The following INTS8 variants were observed in gnomAD, a reference collection of about 807,000 sequenced individuals.
The protein encoded by INTS8 is integrator complex subunit 8.
In INTS8, 47 loss-of-function variants were observed where a neutral mutation model predicts 138.9. That is an observed-to-expected ratio of 0.34 (90% CI 0.27 to 0.43). The LOEUF is 0.43. Among genes scored for constraint, INTS8 ranks in the 20% least tolerant of loss-of-function variants. The probability of loss-of-function intolerance (pLI) is 1.00; values close to 1 mark genes in which losing one functional copy is unlikely to be tolerated. For synonymous variants in INTS8, 392 were observed against 400.9 expected, an observed-to-expected ratio of 0.98 and a Z score of 0.27; for missense variants, 996 against 1,173.0, an observed-to-expected ratio of 0.85 and a Z score of 2.20.
chr8:94,827,761 A>G lies in INTS8; in HGVS notation c.486A>G (p.Lys162=). The G allele has an allele frequency of 6.2e-7, 1 of 1,614,176 alleles. No homozygotes were observed. The highest frequency in any genetic ancestry group is 8.5e-7 in the Non-Finnish European group (1 of 1,179,998). Residue 162 remains lysine, a synonymous_variant, in exon 4 of 27, where the codon AAA becomes AAG. Transcript: ENST00000523731. ...TTGTTCAAAGTAGTTTTCCAGTCAA[A>G]CAGGCAAAACCCGGACCCCCTCAGT... is the stretch of plus-strand genomic sequence containing the variant. ...RTIVQSSFPV[K]QAKPGPPQLS...
At chr8:94,857,624 C>T (rs756873282) in intron 15 of INTS8, among the ~76,000 whole-genome samples, 3 of 152,160 alleles carry the variant, frequency 2.0e-5, no homozygotes, top group Non-Finnish European at 2.9e-5. Flanking sequence ...TCTTTCCTTG[C>T]GTCTTCCTAG....
intron 10 of INTS8, among the ~76,000 whole-genome samples, chr8:94,847,703 T>C (rs989093075): frequency 3.3e-5 from 5 of 152,196 alleles, no homozygotes; most frequent in Non-Finnish European, 7.4e-5. Flanking sequence ...AGTTTTTCTT[T>C]TTTTAAATTG....
chr8:94,838,530 A>T lies in INTS8; in HGVS notation c.929A>T (p.Asp310Val). The change falls in exon 8 of 27, where the codon GAT (aspartate) becomes GTT (valine). Residue 310 changes from aspartate to valine, a missense_variant. Transcript: ENST00000523731. ...TTAGCTGGCTATTGTCAAGCATGTGATGTTCTTGTACCTTCTTCTGATAGT... is the reference window on the plus strand; with the variant it reads ...TTAGCTGGCTATTGTCAAGCATGTGTTGTTCTTGTACCTTCTTCTGATAGT... ...KRLAGYCQAC[D>V]VLVPSSDSTS... 1 of 1,612,874 alleles carries T rather than the reference A, an allele frequency of 6.2e-7. No individual in the cohort carries two copies. The highest frequency in any genetic ancestry group is 8.5e-7 in the Non-Finnish European group (1 of 1,178,958).
rs1815130726 is a variant in INTS8 at position 94,841,487 on chromosome 8, C to T, written c.1018-4C>T. 1 of 1,523,136 alleles carries T rather than the reference C, an allele frequency of 6.6e-7. No individual in the cohort carries two copies. The highest frequency in any genetic ancestry group is 1.8e-5 in the Admixed American group (1 of 55,768). 94.4% of individuals were successfully genotyped at this position (1,523,136 alleles called of 1,614,324 possible). A position where few individuals can be genotyped will look rare whatever the true frequency, so the allele number is the denominator to read the frequency against. Reference sequence around the variant, plus strand: ...ATGGGTGCAACTTTATGTGTGTGTTCTAGGAGGTAATACAGATTTTCATTG... The same window carrying T: ...ATGGGTGCAACTTTATGTGTGTGTTTTAGGAGGTAATACAGATTTTCATTG... On this transcript the variant is annotated splice_region_variant and splice_polypyrimidine_tract_variant and intron_variant, in intron 8 of 26. Coordinates refer to ENST00000523731, the MANE Select transcript of INTS8 (RefSeq NM_017864.4).
At chr8:94,875,716 C>G (rs1221306959) in intron 23 of INTS8, among the ~76,000 whole-genome samples, 1 of 152,054 alleles carries the variant, frequency 6.6e-6, no homozygotes, top group East Asian at 1.9e-4. Context: ...CTAAATTTTC[C>G]AAAATGAGCG....
intron 1 of INTS8, among the ~76,000 whole-genome samples, 187 bp from the exon 2 acceptor site, chr8:94,824,706 T>C (rs888202252): frequency 6.6e-6 from 1 of 150,532 alleles, no homozygotes; most frequent in Non-Finnish European, 1.5e-5. Context: ...CCAGGCACAC[T>C]TCTTACATAC....
At position 94,865,591 on chromosome 8, in the gene INTS8, T is replaced by C; in HGVS notation, c.2162T>C (p.Val721Ala). ...ACTGCCAAAGACCTTTGGGAAGTTG[T>C]TGTTCAAATCTGTAGTGTGTCCAGT... ...RRTAKDLWEV[V>A]VQICSVSSQH... is the part of the protein sequence containing the mutation. The change falls in exon 17 of 27, where the codon GTT becomes GCT. Residue 721 changes from valine to alanine, a missense_variant. By Grantham distance (64) the Val-to-Ala change is moderately conservative. Coordinates refer to ENST00000523731, the MANE Select transcript of INTS8 (RefSeq NM_017864.4). 2 of 1,614,168 alleles carry C rather than the reference T, an allele frequency of 1.2e-6. No homozygotes were observed. The highest frequency in any genetic ancestry group is 1.7e-6 in the Non-Finnish European group (2 of 1,179,980).
At chr8:94,849,398 T>C in intron 10 of INTS8, 64 bp from the exon 11 acceptor site, 2 of 869,192 alleles carry the variant, frequency 2.3e-6, no homozygotes, top group South Asian at 3.1e-5. Context: ...ATCCAGCCTT[T>C]TCAAATTATA....
chr8:94,853,679 T>C (rs1282451886), intron 13 of INTS8, 126 bp from the exon 14 acceptor site: 7 of 557,584 alleles, frequency 1.3e-5, no homozygotes, highest in Non-Finnish European at 1.9e-5. Flanking sequence ...GTCATTTTCC[T>C]TTCTCTTTAA....
chr8:94,859,734 A>C, intron 16 of INTS8, 102 bp downstream of exon 16: 1 of 894,186 alleles, frequency 1.1e-6, no homozygotes. Flanking sequence ...TGTGATACAA[A>C]TGATTGGACA....
rs866000554 is a variant in INTS8 at position 94,865,569 on chromosome 8, G to T, written c.2140G>T (p.Ala714Ser). 6.2e-7 allele frequency: 1 copy of T among 1,614,136 alleles called. No individual in the cohort carries two copies. Among genetic ancestry groups the T allele is most frequent in the Non-Finnish European group, 8.5e-7 (1 of 1,179,964 alleles). Residue 714 changes from alanine (A) to serine (S), a missense_variant, in exon 17 of 27, where the codon GCC (alanine) becomes TCC (serine). By Grantham distance (99) the Ala-to-Ser change is moderately conservative. Transcript: ENST00000523731. The part of the protein sequence containing the change: ...LPGPKESRRT[A>S]KDLWEVVVQI... The stretch of plus-strand genomic sequence containing the variant: ...AGGCCCTAAAGAAAGTAGACGGACT[G>T]CCAAAGACCTTTGGGAAGTTGTTGT...
chr8:94,838,319 G>A, intron 7 of INTS8, 144 bp from the exon 8 acceptor site: 1 of 548,588 alleles, frequency 1.8e-6, no homozygotes, highest in Non-Finnish European at 3.1e-6. Context: ...CAAAGTGCTG[G>A]GATTACAGGC....
Position 94,849,507 on chromosome 8 carries a change from A to G in INTS8, c.1306A>G (p.Lys436Glu). The change falls in exon 11 of 27, where the codon AAA becomes GAA. Residue 436 changes from lysine (K) to glutamate (E), a missense_variant. Physicochemically the swap from Lys to Glu is moderately conservative, Grantham distance 56 (BLOSUM62 1). Transcript: ENST00000523731. The stretch of plus-strand genomic sequence containing the variant: ...TTTAGAAAAAGCTTCAGAGTCTTTG[A>G]AAGGAAACATGGCTGCTTTTCTAAA... ...VNLEKASESL[K>E]GNMAAFLKNV... The G allele has an allele frequency of 6.4e-7, 1 of 1,570,422 alleles. No homozygotes were observed. Among genetic ancestry groups the G allele is most frequent in the Non-Finnish European group, 8.7e-7 (1 of 1,153,482 alleles).
intron 14 of INTS8, among the ~76,000 whole-genome samples, chr8:94,855,301 G>A (rs557627665): frequency 6.6e-6 from 1 of 152,298 alleles, no homozygotes; most frequent in South Asian, 2.1e-4. Context: ...ATTTCAATGT[G>A]TAATCGATAT....
Position 94,876,482 on chromosome 8 carries a change from A to G in INTS8, c.2864A>G (p.Gln955Arg). Residue 955 changes from glutamine (Q) to arginine (R), a missense_variant, in exon 26 of 27, where the codon CAA becomes CGA. Physicochemically the swap from Gln to Arg is conservative, Grantham distance 43 (BLOSUM62 1). Transcript: ENST00000523731. ...HHKRGETDKR[Q>R]IAIKAIGQTE... is the part of the protein sequence containing the mutation. Reference sequence around the variant, plus strand: ...AAAAGAGGAGAAACAGATAAAAGACAAATTGCAGTAAGTTACCTTATGCCT... The same window carrying G: ...AAAAGAGGAGAAACAGATAAAAGACGAATTGCAGTAAGTTACCTTATGCCT... The G allele has an allele frequency of 6.4e-7, 1 of 1,551,094 alleles. No individual in the cohort carries two copies. The highest frequency in any genetic ancestry group is 8.8e-7 in the Non-Finnish European group (1 of 1,130,214).
intron 15 of INTS8, among the ~76,000 whole-genome samples, chr8:94,858,789 A>C (rs1815846745): frequency 6.6e-6 from 1 of 152,302 alleles, no homozygotes; most frequent in South Asian, 2.1e-4. Context: ...AATGGGTGAA[A>C]GTTCCTTTAA....
At chr8:94,865,859 T>C (rs763836439) in intron 17 of INTS8, among the ~76,000 whole-genome samples, 169 bp downstream of exon 17, 29 of 152,226 alleles carry the variant, frequency 1.9e-4, no homozygotes, top group Non-Finnish European at 4.0e-4. Flanking sequence ...TGAACCTGTC[T>C]GCCTTGGCCA....
chr8:94,831,900 G>A lies in INTS8; in HGVS notation c.571-92G>A, dbSNP rs1467053597. 5 of 965,082 alleles carry A rather than the reference G, an allele frequency of 5.2e-6. No individual in the cohort carries two copies. In the Admixed American group the frequency reaches 1.3e-4, roughly 25 times the overall value. The allele number at this position is 965,082 out of a possible 1,614,324, so 59.8% of individuals were successfully genotyped here. ...TGTTAAAAATTTTTTTAATAGCTTAGTGTACTGAGTTACTAAATAGACTGT... is the reference window on the plus strand; with the variant it reads ...TGTTAAAAATTTTTTTAATAGCTTAATGTACTGAGTTACTAAATAGACTGT... On this transcript the variant is annotated intron_variant, in intron 5 of 26. Coordinates refer to ENST00000523731, the MANE Select transcript of INTS8 (RefSeq NM_017864.4).
At chr8:94,838,147 G>C (rs1419180671) in intron 7 of INTS8, among the ~76,000 whole-genome samples, 4 of 151,334 alleles carry the variant, frequency 2.6e-5, no homozygotes, top group Non-Finnish European at 5.9e-5. Flanking sequence ...CTCCTCCCGG[G>C]CTCAAGCCAT....
Sources: gnomAD v4.1 joint callset for allele counts (sites outside exome capture counted in the v4.1 genomes callset) on GRCh38, gnomAD v4.1.1 for gene constraint, MANE v1.5 for transcripts, NCBI Gene and HGNC (gene_info 2026-07-23, HGNC 2026-07-21) for gene names.